The following LRRC1 variants were observed in gnomAD, a reference collection of about 807,000 sequenced individuals.
The protein encoded by LRRC1 is leucine rich repeat containing 1.
Under a neutral mutation model 69.9 loss-of-function variants are expected in LRRC1, and 28 were observed. The observed-to-expected ratio is 0.40, with a 90% CI of 0.30 to 0.55. The LOEUF is 0.55. Ranked by LOEUF, LRRC1 falls within the 20% of genes least tolerant of loss-of-function variation. The pLI is 0.47. For missense variants in LRRC1, 498 were observed against 609.0 expected (o/e 0.82, Z 1.92); for synonymous variants, 236 against 240.2 (o/e 0.98, Z 0.16).
chr6:53,818,440 G>A (rs1166545742), intron 1 of LRRC1, among the ~76,000 whole-genome samples: 1 of 152,218 alleles, frequency 6.6e-6, no homozygotes, highest in African/African-American at 2.4e-5. Flanking sequence ...GTGAATGCCT[G>A]TCAATGAAAT....
chr6:53,897,829 G>A (rs1767925785), intron 7 of LRRC1, among the ~76,000 whole-genome samples: 1 of 152,180 alleles, frequency 6.6e-6, no homozygotes, highest in Non-Finnish European at 1.5e-5. Flanking sequence ...TAGCTGGCAT[G>A]TCATGGTGTT....
intron 2 of LRRC1, among the ~76,000 whole-genome samples, chr6:53,849,152 G>A (rs183642120): frequency 1.3e-5 from 2 of 149,270 alleles, no homozygotes; most frequent in Admixed American, 6.8e-5. Context: ...AAGTCAACAA[G>A]TTCTTCATTC....
At chr6:53,871,346 A>G (rs1409560492) in intron 2 of LRRC1, among the ~76,000 whole-genome samples, 1 of 151,948 alleles carries the variant, frequency 6.6e-6, no homozygotes, top group Non-Finnish European at 1.5e-5. Context: ...GGGTGAGATG[A>G]TATCTCATTG....
intron 1 of LRRC1, among the ~76,000 whole-genome samples, chr6:53,809,776 A>G (rs1337292409): frequency 6.6e-6 from 1 of 152,202 alleles, no homozygotes; most frequent in Non-Finnish European, 1.5e-5. Flanking sequence ...GAGACAGAGG[A>G]ATGTATCTGG....
chr6:53,901,758 G>A (rs548831736), intron 8 of LRRC1, among the ~76,000 whole-genome samples: 1 of 152,320 alleles, frequency 6.6e-6, no homozygotes, highest in East Asian at 1.9e-4. Flanking sequence ...GAGGGCAGGT[G>A]GAAACCCTCC....
chr6:53,795,896 G>A (rs1174288209), intron 1 of LRRC1, among the ~76,000 whole-genome samples: 1 of 152,256 alleles, frequency 6.6e-6, no homozygotes, highest in African/African-American at 2.4e-5. Context: ...GCGCTCAAGC[G>A]GGCCGCACTA....
intron 1 of LRRC1, among the ~76,000 whole-genome samples, chr6:53,826,523 T>C (rs761656025): frequency 2.6e-5 from 4 of 152,216 alleles, no homozygotes; most frequent in Non-Finnish European, 5.9e-5. Flanking sequence ...CTAGCATTCA[T>C]GTACATATTA....
chr6:53,851,685 C>G (rs1482079391), intron 2 of LRRC1, among the ~76,000 whole-genome samples: 1 of 152,022 alleles, frequency 6.6e-6, no homozygotes, highest in African/African-American at 2.4e-5. Context: ...ACCATCACAC[C>G]TAGTAAACAT....
chr6:53,800,865 C>G (rs188141063), intron 1 of LRRC1, among the ~76,000 whole-genome samples: 2 of 152,168 alleles, frequency 1.3e-5, no homozygotes, highest in Admixed American at 6.5e-5. Flanking sequence ...GTCTCAAATT[C>G]GTGACCTCAA....
At chr6:53,874,357 A>G (rs1392073942) in intron 2 of LRRC1, among the ~76,000 whole-genome samples, 1 of 151,858 alleles carries the variant, frequency 6.6e-6, no homozygotes, top group Non-Finnish European at 1.5e-5. Context: ...CTATATATAT[A>G]TGATATATAT....
intron 2 of LRRC1, among the ~76,000 whole-genome samples, chr6:53,851,189 C>CAT (rs1220990415): frequency 3.2e-5 from 4 of 123,974 alleles, no homozygotes; most frequent in Non-Finnish European, 3.5e-5. Flanking sequence ...CACACACACA[C>CAT]ACACACACAC....
chr6:53,882,004 A>G (rs1296684799), intron 3 of LRRC1, among the ~76,000 whole-genome samples: 1 of 152,244 alleles, frequency 6.6e-6, no homozygotes, highest in Admixed American at 6.5e-5. Context: ...ATAGTAAAAC[A>G]TAAAATTATT....
rs183880432 is a variant in LRRC1, at chr6:53,829,656, A to G, written c.160-12454A>G. ...ACGGGTGATCTTGTTTCCTTTTATTATACAAATCTGGGTAAAAAATTGGAC... is the reference window on the plus strand; with the variant it reads ...ACGGGTGATCTTGTTTCCTTTTATTGTACAAATCTGGGTAAAAAATTGGAC... On this transcript the variant is annotated intron_variant, in intron 1 of 13. Coordinates refer to ENST00000370888, the MANE Select transcript of LRRC1 (RefSeq NM_018214.5). Among the ~76,000 whole-genome samples, 391 of 152,244 alleles carry G rather than the reference A, an allele frequency of 2.6e-3. 1 individual carries two copies. Among genetic ancestry groups the G allele is most frequent in the African/African-American group, 8.7e-3 (363 of 41,554 alleles).
At position 53,798,522 on chromosome 6, in the gene LRRC1, G is replaced by A. The variant is rs149802528; in HGVS notation, c.159+3107G>A. ...GCCTCTCGAGTAGCTGGGACTACAG[G>A]TGCCCACCACCACACCCAGCTAATT... On this transcript the variant is annotated intron_variant, in intron 1 of 13. Transcript: ENST00000370888. Among the ~76,000 whole-genome samples, 215 of 152,260 alleles carry A rather than the reference G, an allele frequency of 1.4e-3. 3 individuals are homozygous for A. The East Asian group carries it at 0.032, about 22-fold the overall frequency.
intron 10 of LRRC1, among the ~76,000 whole-genome samples, chr6:53,913,034 T>G (rs1768461403): frequency 6.6e-6 from 1 of 152,202 alleles, no homozygotes; most frequent in African/African-American, 2.4e-5. Flanking sequence ...AGAGAATCAT[T>G]GGATTTTTTT....
intron 1 of LRRC1, among the ~76,000 whole-genome samples, chr6:53,829,172 T>C (rs1232761246): frequency 6.6e-6 from 1 of 152,208 alleles, no homozygotes; most frequent in Non-Finnish European, 1.5e-5. Flanking sequence ...ACTGGGACTT[T>C]GAACATGAGT....
intron 1 of LRRC1, among the ~76,000 whole-genome samples, chr6:53,808,661 G>A (rs1250729912): frequency 6.8e-6 from 1 of 147,446 alleles, no homozygotes; most frequent in Non-Finnish European, 1.5e-5. Context: ...TTGAAGTGAT[G>A]CAGTCTAGCT....
chr6:53,894,935 C>CTTTTTTTTTTTTTTTTTTTTTTTTT (rs563962682), intron 4 of LRRC1, among the ~76,000 whole-genome samples: 1 of 141,490 alleles, frequency 7.1e-6, no homozygotes. Flanking sequence ...GTTTTTTTTT[C>CTTTTTTTTTTTTTTTTTTTTTTTTT]TTTTTTTTTT....
chr6:53,834,993 A>G (rs1157692806), intron 1 of LRRC1, among the ~76,000 whole-genome samples: 1 of 152,178 alleles, frequency 6.6e-6, no homozygotes, highest in Admixed American at 6.5e-5. Context: ...TAAATAAATA[A>G]AAGTATCTGT....
Sources: allele counts gnomAD v4.1 joint callset (sites outside exome capture counted in the v4.1 genomes callset), GRCh38; gene constraint gnomAD v4.1.1; transcripts MANE v1.5; gene names NCBI Gene and HGNC (gene_info 2026-07-23, HGNC 2026-07-21).